C7: variants seen among roughly 807,000 people sequenced by gnomAD.
C7 encodes complement component C7.
A neutral mutation model predicts 104.8 loss-of-function variants in C7; 83 were observed. That is an observed-to-expected ratio of 0.79 (90% CI 0.66 to 0.95). The LOEUF is 0.95. Ranked by LOEUF, C7 falls within the 40% of genes least tolerant of loss-of-function variation. The pLI, the probability that C7 is intolerant of heterozygous loss-of-function variation, is 0.00. For synonymous variants in C7, 415 were observed against 360.6 expected (o/e 1.15, Z -1.71); for missense variants, 1,070 against 1,011.2 (o/e 1.06, Z -0.79).
Position 40,979,744 on chromosome 5 carries a change from G to T in C7, c.2185G>T (p.Ala729Ser). Residue 729 changes from alanine (A) to serine (S), a missense_variant, in exon 17 of 18, where the codon GCT becomes TCT. Ala to Ser is a moderately conservative substitution (Grantham distance 99). Transcript: ENST00000313164. ...TTTCAGACCTTCCTTGGATGTATGT[G>T]CTCAAGATGAGAGAAGCAAAAGGAT... ...YECGPSLDVC[A>S]QDERSKRILP... is the part of the protein sequence containing the mutation. 1.2e-6 allele frequency: 2 copies of T among 1,612,822 alleles called. No homozygotes were observed. The highest frequency in any genetic ancestry group is 1.7e-6 in the Non-Finnish European group (2 of 1,179,230).
intron 1 of C7, among the ~76,000 whole-genome samples, chr5:40,921,642 C>A (rs976384817): frequency 6.6e-6 from 1 of 151,694 alleles, no homozygotes; most frequent in East Asian, 1.9e-4. Flanking sequence ...AAATAGCATA[C>A]TACTGTCCTA....
At chr5:40,931,913 T>C (rs1180916082) in intron 3 of C7, among the ~76,000 whole-genome samples, 1 of 152,092 alleles carries the variant, frequency 6.6e-6, no homozygotes, top group Non-Finnish European at 1.5e-5. Flanking sequence ...CACGTGCCAC[T>C]ACACCCGGCT....
intron 6 of C7, 92 bp downstream of exon 6, chr5:40,937,782 T>C: frequency 1.9e-6 from 2 of 1,048,546 alleles, no homozygotes; most frequent in Non-Finnish European, 2.7e-6. Flanking sequence ...AGAATTTACT[T>C]ATGGCCTAAT....
At chr5:40,957,224 G>C (rs1740306249) in intron 10 of C7, among the ~76,000 whole-genome samples, 1 of 152,144 alleles carries the variant, frequency 6.6e-6, no homozygotes, top group Non-Finnish European at 1.5e-5. Context: ...TCTGTTCCTG[G>C]GAGAGCAGAC....
In C7 at chr5:40,955,484, T is replaced by A; in HGVS notation, c.1191T>A (p.Ala397=). The change falls in exon 10 of 18, where the codon GCT becomes GCA. Residue 397 remains alanine, a synonymous_variant. Transcript: ENST00000313164. Reference sequence around the variant, plus strand: ...GTTACCTAGAGCTGGACAATCCTGCTGGAAACAAAAGGCGATATTCTGCCT... The same window carrying A: ...GTTACCTAGAGCTGGACAATCCTGCAGGAAACAAAAGGCGATATTCTGCCT... ...GLSYLELDNP[A]GNKRRYSAWA... 1 of 1,613,646 alleles carries A rather than the reference T, an allele frequency of 6.2e-7. No homozygotes were observed. Among genetic ancestry groups the A allele is most frequent in the Non-Finnish European group, 8.5e-7 (1 of 1,179,668 alleles).
At chr5:40,961,546 A>G (rs1360844759) in intron 12 of C7, among the ~76,000 whole-genome samples, 4 of 151,944 alleles carry the variant, frequency 2.6e-5, no homozygotes, top group African/African-American at 9.7e-5. Context: ...CACTGTGCCC[A>G]GCTAATTTTT....
chr5:40,964,908 G>C, intron 14 of C7, 35 bp downstream of exon 14: 1 of 1,608,746 alleles, frequency 6.2e-7, no homozygotes, highest in Non-Finnish European at 8.5e-7. Flanking sequence ...TTTAAGATGA[G>C]AAAATTACGT....
rs189840480 is a variant in C7, at chr5:40,924,754, C to T, written c.7-3826C>T. 1.6e-3 allele frequency among the ~76,000 whole-genome samples: 251 copies of T among 152,340 alleles called. 1 individual carries two copies. Among genetic ancestry groups the T allele is most frequent in the Non-Finnish European group, 2.2e-3 (151 of 68,036 alleles). On this transcript the variant is annotated intron_variant, in intron 1 of 17. Coordinates refer to ENST00000313164, the MANE Select transcript of C7 (RefSeq NM_000587.4). ...AAGCTGCCAAGGCTTACAGTTTGCA[C>T]CTGCTGAAGCAGCAGCCCAAGCTGT...
At chr5:40,957,727 G>A (rs2459468) in intron 10 of C7, among the ~76,000 whole-genome samples, 88,800 of 151,074 alleles carry the variant, frequency 0.59, 27,930 homozygotes, top group Middle Eastern at 0.71. Flanking sequence ...AAGTGCTGGC[G>A]TTACAGGCGT....
In C7 at chr5:40,981,382, A is replaced by C. The variant is rs772737448; in HGVS notation, c.2351-10A>C. On this transcript the variant is annotated splice_polypyrimidine_tract_variant and intron_variant, in intron 17 of 17. Transcript: ENST00000313164. ...ATGTACCATTAAGCCTCTTTCACTT[A>C]CTTTTCCAGCTGAGAGCAGCAAATG... 3 of 1,606,522 alleles carry C rather than the reference A, an allele frequency of 1.9e-6. No individual in the cohort carries two copies. Among genetic ancestry groups the C allele is most frequent in the Non-Finnish European group, 8.5e-7 (1 of 1,176,466 alleles).
chr5:40,945,518 T>C, intron 7 of C7, 150 bp downstream of exon 7: 1 of 556,226 alleles, frequency 1.8e-6, no homozygotes, highest in Non-Finnish European at 3.1e-6. Flanking sequence ...GCAATATCTT[T>C]CTCTAAAAGG....
At chr5:40,935,409 G>A (rs912128094) in intron 4 of C7, among the ~76,000 whole-genome samples, 2 of 152,204 alleles carry the variant, frequency 1.3e-5, no homozygotes, top group African/African-American at 2.4e-5. Flanking sequence ...TTGAGTGGCA[G>A]TATAGCAGGG....
chr5:40,933,687 C>A (rs1460273540), intron 3 of C7, among the ~76,000 whole-genome samples: 1 of 152,116 alleles, frequency 6.6e-6, no homozygotes, highest in Non-Finnish European at 1.5e-5. Flanking sequence ...TTTTTGCTTG[C>A]CTTTCTTCCT....
intron 9 of C7, among the ~76,000 whole-genome samples, chr5:40,951,181 G>A (rs1352387403): frequency 6.6e-6 from 1 of 152,146 alleles, no homozygotes; most frequent in Non-Finnish European, 1.5e-5. Context: ...CTTTTGAGAA[G>A]TGTCCGTTCA....
In C7 at chr5:40,982,306, G is replaced by C. The variant is rs1192259391; in HGVS notation, c.*733G>C. 2 of 151,762 alleles carry C rather than the reference G, an allele frequency of 1.3e-5. No homozygotes were observed. Among genetic ancestry groups the C allele is most frequent in the Non-Finnish European group, 2.9e-5 (2 of 67,858 alleles). 9.4% of individuals were successfully genotyped at this position (151,762 alleles called of 1,614,324 possible). ...TTACAGGTGCCCGCCACCACGCCCAGCTAATTTTTGCATTTTTAGTAGAGA... is the reference window on the plus strand; with the variant it reads ...TTACAGGTGCCCGCCACCACGCCCACCTAATTTTTGCATTTTTAGTAGAGA... On this transcript the variant is annotated 3_prime_UTR_variant, in exon 18 of 18. Transcript: ENST00000313164.
chr5:40,953,842 A>G (rs1740229316), intron 9 of C7, among the ~76,000 whole-genome samples: 1 of 152,226 alleles, frequency 6.6e-6, no homozygotes, highest in Non-Finnish European at 1.5e-5. Context: ...TCAAAATATC[A>G]CATGCACCCC....
chr5:40,928,131 A>G (rs1249218327), intron 1 of C7, among the ~76,000 whole-genome samples: 1 of 152,202 alleles, frequency 6.6e-6, no homozygotes, highest in Admixed American at 6.5e-5. Context: ...ATTGGAAAAC[A>G]TTATGTTAAG....
chr5:40,977,543 G>A (rs1244981876), intron 16 of C7, among the ~76,000 whole-genome samples: 7 of 152,202 alleles, frequency 4.6e-5, no homozygotes. Flanking sequence ...AGACAGAGAG[G>A]GCTGTGTGGA....
chr5:40,967,148 C>T (rs1194497785), intron 14 of C7, among the ~76,000 whole-genome samples: 1 of 151,662 alleles, frequency 6.6e-6, no homozygotes, highest in Non-Finnish European at 1.5e-5. Flanking sequence ...TCACTGCAAC[C>T]TCCGCCTCCT....
Sources: allele counts gnomAD v4.1 joint callset (sites outside exome capture counted in the v4.1 genomes callset), GRCh38; gene constraint gnomAD v4.1.1; transcripts MANE v1.5; gene names NCBI Gene and HGNC (gene_info 2026-07-23, HGNC 2026-07-21).